Variants in DPH1 observed in about 807,000 individuals in gnomAD.
DPH1 encodes the protein 2-(3-amino-3-carboxypropyl)histidine synthase subunit 1.
In DPH1, 59 loss-of-function variants were observed where a neutral mutation model predicts 55.3. The ratio of observed to expected loss-of-function variants is 1.07; its 90% CI spans 0.87 to 1.33. The LOEUF is 1.33. DPH1 is among the 40% of genes most tolerant of loss of function. The probability of loss-of-function intolerance (pLI) is 0.00; values close to 1 mark genes in which losing one functional copy is unlikely to be tolerated. For missense variants in DPH1, 628 were observed against 584.8 expected (o/e 1.07, Z -0.76); for synonymous variants, 238 against 235.5 (o/e 1.01, Z -0.10).
chr17:2,038,998 G>A (rs1261194607), intron 6 of DPH1: 1 of 151,952 alleles, frequency 6.6e-6, no homozygotes, highest in Admixed American at 6.5e-5. Flanking sequence ...TCCAAGAGGT[G>A]AAGTGAAGGC....
Position 2,036,585 on chromosome 17 carries a change from C to G in DPH1, c.457C>G (p.Arg153Gly), listed in dbSNP as rs773453810. Residue 153 changes from arginine (R) to glycine (G), a missense_variant, in exon 5 of 13, where the codon CGG becomes GGG. Coordinates refer to ENST00000263083, the MANE Select transcript of DPH1 (RefSeq NM_001383.6). This position sits in a 1 kb window ranked among gnomAD's most constrained non-coding sequence, Gnocchi z 4.8. ...GGTGCTGTACGTCTTTGTGGACATC[C>G]GGATAGACACTACACACCTCCTGGA... ...FRVLYVFVDI[R>G]IDTTHLLDSL... is the part of the protein sequence containing the mutation. 6.2e-7 allele frequency: 1 copy of G among 1,613,970 alleles called. No homozygotes were observed. The highest frequency in any genetic ancestry group is 1.3e-5 in the African/African-American group (1 of 74,914).
intron 12 of DPH1, 90 bp downstream of exon 12, chr17:2,041,965 G>A: frequency 6.6e-7 from 1 of 1,517,510 alleles, no homozygotes; most frequent in Non-Finnish European, 8.8e-7. Flanking sequence ...GGGCGGTGCT[G>A]ACGTTCGGTT....
chr17:2,042,127 G>C, intron 12 of DPH1: 1 of 1,558,472 alleles, frequency 6.4e-7, no homozygotes, highest in Admixed American at 1.8e-5. Flanking sequence ...GAGAAGACCG[G>C]GGCGCTGAGG....
At chr17:2,032,775 G>GCT (rs1056273530) in intron 1 of DPH1, among the ~76,000 whole-genome samples, 1 of 152,120 alleles carries the variant, frequency 6.6e-6, no homozygotes, top group African/African-American at 2.4e-5. Flanking sequence ...ATGGTGTCTC[G>GCT]CTCTGTTGCC....
At chr17:2,042,291 C>T (rs1420494673) in intron 12 of DPH1, 2 of 1,397,442 alleles carry the variant, frequency 1.4e-6, no homozygotes, top group Non-Finnish European at 1.8e-6. Flanking sequence ...TCGTCCCCCT[C>T]GACACCCTTC....
chr17:2,040,562 G>C lies in DPH1; in HGVS notation c.964G>C (p.Glu322Gln), dbSNP rs200849211. 8.1e-6 allele frequency: 13 copies of C among 1,614,204 alleles called. No homozygotes were observed. In the Admixed American group the frequency reaches 1.7e-4, roughly 21 times the overall value. ...TTCCTTTGTGAGGCTGCTGCTCTCTGAGATCTTCCCCAGCAAGCTTAGCCT... is the reference window on the plus strand; with the variant it reads ...TTCCTTTGTGAGGCTGCTGCTCTCTCAGATCTTCCCCAGCAAGCTTAGCCT... ...GLSFVRLLLS[E>Q]IFPSKLSLLP... The change falls in exon 9 of 13, where the codon GAG (glutamate) becomes CAG (glutamine). Residue 322 changes from glutamate to glutamine, a missense_variant. Transcript: ENST00000263083.
intron 3 of DPH1, among the ~76,000 whole-genome samples, chr17:2,034,515 C>T (rs1181397062): frequency 8.7e-6 from 1 of 114,934 alleles, no homozygotes; most frequent in Non-Finnish European, 1.8e-5. Flanking sequence ...CCCCCATCCC[C>T]CTCCCCTGCT....
At chr17:2,039,969 A>T (rs2067488392) in intron 7 of DPH1, 146 bp downstream of exon 7, 2 of 1,300,346 alleles carry the variant, frequency 1.5e-6, no homozygotes, top group Non-Finnish European at 1.1e-6. Flanking sequence ...GGATCTGGGC[A>T]TTAGCCCCAG....
chr17:2,031,463 G>A (rs2067330741), intron 1 of DPH1, among the ~76,000 whole-genome samples: 1 of 151,004 alleles, frequency 6.6e-6, no homozygotes, highest in Non-Finnish European at 1.5e-5. Flanking sequence ...TCGGGAGGCT[G>A]AGGCAGGAGA....
rs755466097 is a variant in DPH1, at chr17:2,033,544, CT to C, written c.102del (p.Glu35ArgfsTer3). 5.6e-6 allele frequency: 9 copies of C among 1,614,234 alleles called. No homozygotes were observed. The African/African-American group carries it at 1.2e-4, about 22-fold the overall frequency. On this transcript the variant is annotated frameshift_variant, in exon 2 of 13. Coordinates refer to ENST00000263083, the MANE Select transcript of DPH1 (RefSeq NM_001383.6). LOFTEE classifies it high-confidence loss of function. ...GGCCGCGTGGCCAATCAGATCCCCC[CT>C]GAGATCCTGAAGAACCCTCAGCTGC... The part of the protein sequence containing the change: ...PRGRVANQIP[P>X]EILKNPQLQA...
rs780248962 is a variant in DPH1, at chr17:2,036,902, G to T, written c.626G>T (p.Gly209Val). ...SVPQCKPLSPGEILGCTSPRL... is the reference protein window; with the variant it reads ...SVPQCKPLSPVEILGCTSPRL... ...CCACAGTGCAAGCCCCTGTCCCCTG[G>T]AGAGATCCTGGGCTGCACATCCCCC... is the stretch of plus-strand genomic sequence containing the variant. Residue 209 changes from glycine (G) to valine (V), a missense_variant, in exon 6 of 13, where the codon GGA (glycine) becomes GTA (valine). By Grantham distance (109) the Gly-to-Val change is moderately radical. Coordinates refer to ENST00000263083, the MANE Select transcript of DPH1 (RefSeq NM_001383.6). This position sits in a 1 kb window ranked among gnomAD's most constrained non-coding sequence, Gnocchi z 4.8. 5.6e-6 allele frequency: 9 copies of T among 1,613,840 alleles called. No homozygotes were observed. The South Asian group carries it at 9.9e-5, about 18-fold the overall frequency.
Position 2,043,897 on chromosome 17 carries a change from C to T in DPH1, c.*1311C>T, listed in dbSNP as rs540873208. Among the ~76,000 whole-genome samples, 15 of 152,354 alleles carry T rather than the reference C, an allele frequency of 9.8e-5. No individual in the cohort carries two copies. The South Asian group carries it at 2.9e-3, about 29-fold the overall frequency. Reference sequence around the variant, plus strand: ...AAACAGCTTCTTCCTAAATTGACCCCATCTTGAGGGTTTCTGAGATTGATG... The same window carrying T: ...AAACAGCTTCTTCCTAAATTGACCCTATCTTGAGGGTTTCTGAGATTGATG... On this transcript the variant is annotated 3_prime_UTR_variant, in exon 13 of 13. Transcript: ENST00000263083.
intron 1 of DPH1, among the ~76,000 whole-genome samples, chr17:2,031,683 G>C (rs1379486785): frequency 2.0e-5 from 3 of 152,030 alleles, no homozygotes; most frequent in African/African-American, 7.3e-5. Context: ...CGAGGCCGCA[G>C]TGGACCATGA....
intron 6 of DPH1, among the ~76,000 whole-genome samples, chr17:2,037,879 C>T (rs1436565217): frequency 6.6e-6 from 1 of 152,140 alleles, no homozygotes; most frequent in Non-Finnish European, 1.5e-5. Flanking sequence ...TCTTAACATC[C>T]CTGAGCCTCA....
At chr17:2,040,906 C>T (rs1018493876) in intron 9 of DPH1, 197 bp from the exon 10 acceptor site, 4 of 665,752 alleles carry the variant, frequency 6.0e-6, no homozygotes, top group Admixed American at 4.9e-5. Flanking sequence ...CCCTGGAAAG[C>T]TCATTGTCGG....
chr17:2,039,655 G>A, intron 6 of DPH1, 100 bp from the exon 7 acceptor site: 1 of 1,441,268 alleles, frequency 6.9e-7, no homozygotes, highest in East Asian at 2.3e-5. Context: ...GGGATTACAG[G>A]CGTGAGCCAC....
intron 12 of DPH1, 48 bp downstream of exon 12, chr17:2,041,923 G>C: frequency 2.6e-6 from 4 of 1,537,092 alleles, no homozygotes; most frequent in Non-Finnish European, 2.6e-6. Flanking sequence ...CGTTGTCATG[G>C]GAACGCCTTG....
chr17:2,033,396 T>A, intron 1 of DPH1, 109 bp from the exon 2 acceptor site: 1 of 1,554,288 alleles, frequency 6.4e-7, no homozygotes, highest in Admixed American at 1.9e-5. Context: ...AATTTTTATT[T>A]CTATGCTTGA....
intron 3 of DPH1, among the ~76,000 whole-genome samples, chr17:2,035,284 C>T (rs796975693): frequency 3.9e-5 from 6 of 152,250 alleles, no homozygotes; most frequent in Middle Eastern, 3.4e-3. Context: ...GCAGTTCCCA[C>T]GGCAGTGTTC....
Sources: allele counts gnomAD v4.1 joint callset (sites outside exome capture counted in the v4.1 genomes callset), GRCh38; gene constraint gnomAD v4.1.1; non-coding constraint Gnocchi (gnomAD v3.1); transcripts MANE v1.5; gene names NCBI Gene and HGNC (gene_info 2026-07-23, HGNC 2026-07-21).